The following UBASH3B variants were observed in gnomAD, a reference collection of about 807,000 sequenced individuals.
UBASH3B encodes ubiquitin associated and SH3 domain containing B.
A neutral mutation model predicts 83.4 loss-of-function variants in UBASH3B; 37 were observed. That is an observed-to-expected ratio of 0.44 (90% CI 0.34 to 0.58). The LOEUF (loss-of-function observed/expected upper bound fraction) is 0.58, where lower values mean the gene tolerates loss of function less well. UBASH3B is among the 20% of genes least tolerant of loss of function. The probability of loss-of-function intolerance (pLI) is 0.01; values close to 1 mark genes in which losing one functional copy is unlikely to be tolerated. For missense variants in UBASH3B, 657 were observed against 827.2 expected, an observed-to-expected ratio of 0.79 and a Z score of 2.52; for synonymous variants, 304 against 318.3, an observed-to-expected ratio of 0.96 and a Z score of 0.48.
chr11:122,768,508 G>GTGTGTGTATATA (rs557159523), intron 1 of UBASH3B, among the ~76,000 whole-genome samples: 31 of 134,402 alleles, frequency 2.3e-4, no homozygotes, highest in East Asian at 2.1e-3. Flanking sequence ...GTGTGTGTGT[G>GTGTGTGTATATA]TATATATATA....
intron 1 of UBASH3B, among the ~76,000 whole-genome samples, chr11:122,764,852 T>G (rs1308527824): frequency 4.6e-5 from 7 of 152,090 alleles, no homozygotes; most frequent in Admixed American, 4.6e-4. Context: ...GCACACGGAG[T>G]AGACTCCATT....
At chr11:122,661,333 G>T (rs1020977083) in intron 1 of UBASH3B, among the ~76,000 whole-genome samples, 1 of 152,208 alleles carries the variant, frequency 6.6e-6, no homozygotes, top group Admixed American at 6.5e-5. Context: ...GCTGCATGAG[G>T]AGTTGAGAAG....
At chr11:122,720,575 T>C (rs1299294162) in intron 1 of UBASH3B, among the ~76,000 whole-genome samples, 3 of 152,212 alleles carry the variant, frequency 2.0e-5, no homozygotes, top group Admixed American at 6.5e-5. Flanking sequence ...GTTCCCTTGC[T>C]ACCTCTCTGA....
intron 1 of UBASH3B, among the ~76,000 whole-genome samples, chr11:122,731,114 C>G (rs1860837194): frequency 6.6e-6 from 1 of 152,172 alleles, no homozygotes; most frequent in African/African-American, 2.4e-5. Context: ...AGCACCAGAC[C>G]CAATTGTGCC....
chr11:122,761,395 C>G (rs564510079), intron 1 of UBASH3B, among the ~76,000 whole-genome samples: 13 of 152,210 alleles, frequency 8.5e-5, no homozygotes, highest in African/African-American at 1.7e-4. Context: ...CACTTGAGGC[C>G]AGGAGGTCGA....
At chr11:122,686,960 C>T (rs1591768923) in intron 1 of UBASH3B, among the ~76,000 whole-genome samples, 1 of 152,038 alleles carries the variant, frequency 6.6e-6, no homozygotes, top group East Asian at 1.9e-4. Context: ...TTCCACCTCC[C>T]AGGTTCAAGT....
At chr11:122,734,261 T>C (rs12295340) in intron 1 of UBASH3B, among the ~76,000 whole-genome samples, 8,514 of 152,234 alleles carry the variant, frequency 0.056, 674 homozygotes, top group African/African-American at 0.17. Context: ...AAGGGGCTGA[T>C]AGCCTGGTGA....
At chr11:122,757,707 C>T (rs1345388112) in intron 1 of UBASH3B, among the ~76,000 whole-genome samples, 7 of 136,566 alleles carry the variant, frequency 5.1e-5, no homozygotes, top group African/African-American at 1.8e-4. Flanking sequence ...ACCTTCTTTT[C>T]CCTTTTTTTT....
intron 1 of UBASH3B, among the ~76,000 whole-genome samples, chr11:122,722,860 C>A (rs1860664641): frequency 6.6e-6 from 1 of 152,150 alleles, no homozygotes; most frequent in Admixed American, 6.5e-5. Flanking sequence ...TGCCCGCAAC[C>A]ATGCCTGGCT....
intron 1 of UBASH3B, among the ~76,000 whole-genome samples, chr11:122,694,921 TTTTA>T (rs1323988241): frequency 6.6e-6 from 1 of 150,508 alleles, no homozygotes; most frequent in Non-Finnish European, 1.5e-5. Flanking sequence ...TTTATTTTTA[TTTTA>T]TTTTATTTAT....
intron 6 of UBASH3B, among the ~76,000 whole-genome samples, chr11:122,793,749 T>C (rs1177579462): frequency 2.0e-5 from 3 of 152,240 alleles, no homozygotes; most frequent in African/African-American, 7.2e-5. Flanking sequence ...AGTGTTACAC[T>C]CAGAAATGAC....
chr11:122,774,309 G>C, intron 1 of UBASH3B: 3 of 985,250 alleles, frequency 3.0e-6, no homozygotes, highest in Non-Finnish European at 3.6e-6. Context: ...TAGCTGTGCA[G>C]ACTTCCTTAT....
chr11:122,734,282 G>A (rs1481621802), intron 1 of UBASH3B, among the ~76,000 whole-genome samples: 1 of 152,204 alleles, frequency 6.6e-6, no homozygotes. Flanking sequence ...TCAACTGTGG[G>A]CCTTATCAAC....
intron 1 of UBASH3B, among the ~76,000 whole-genome samples, chr11:122,666,134 G>A (rs1268742680): frequency 6.6e-6 from 1 of 152,244 alleles, no homozygotes. Flanking sequence ...GCAGCTGCAT[G>A]CTCCCGATTT....
At position 122,659,851 on chromosome 11, in the gene UBASH3B, A is replaced by G. The variant is rs570226370; in HGVS notation, c.161+3641A>G. On this transcript the variant is annotated intron_variant, in intron 1 of 13. Transcript: ENST00000284273. ...AGGGCTGACAGCTCTAGTTTCCCCT[A>G]TGGGTGTAACTGGGTCTGGTGGTGT... 3.9e-5 allele frequency among the ~76,000 whole-genome samples: 6 copies of G among 151,952 alleles called. No homozygotes were observed. The South Asian group carries it at 8.3e-4, about 21-fold the overall frequency.
intron 1 of UBASH3B, among the ~76,000 whole-genome samples, chr11:122,768,466 A>AGGTATATG (rs745861229): frequency 1.5e-5 from 2 of 129,042 alleles, no homozygotes; most frequent in Non-Finnish European, 3.1e-5. Flanking sequence ...AGAGATATAT[A>AGGTATATG]TGTATGTGTG....
At chr11:122,690,196 A>ATCCAAT (rs1267350690) in intron 1 of UBASH3B, among the ~76,000 whole-genome samples, 1 of 22,654 alleles carries the variant, frequency 4.4e-5, no homozygotes, top group African/African-American at 1.5e-4. Flanking sequence ...ATATATATAT[A>ATCCAAT]TATATATATA....
At chr11:122,736,262 G>A (rs2135956632) in intron 1 of UBASH3B, among the ~76,000 whole-genome samples, 1 of 151,982 alleles carries the variant, frequency 6.6e-6, no homozygotes, top group Middle Eastern at 3.4e-3. Context: ...TCTGCTTCTC[G>A]GTGTTCTTTC....
At chr11:122,793,010 T>C (rs1426350786) in intron 6 of UBASH3B, among the ~76,000 whole-genome samples, 2 of 152,214 alleles carry the variant, frequency 1.3e-5, no homozygotes, top group African/African-American at 4.8e-5. Context: ...GAGCCACTTC[T>C]GAAAGTGAAG....
Sources: gnomAD v4.1 joint callset for allele counts (sites outside exome capture counted in the v4.1 genomes callset) on GRCh38, gnomAD v4.1.1 for gene constraint, MANE v1.5 for transcripts, NCBI Gene and HGNC (gene_info 2026-07-23, HGNC 2026-07-21) for gene names.